CCSER2: variants seen among roughly 807,000 people sequenced by gnomAD.
The protein encoded by CCSER2 is coiled-coil serine rich protein 2.
In CCSER2, 46 loss-of-function variants were observed where a neutral mutation model predicts 92.3. The ratio of observed to expected loss-of-function variants is 0.50; its 90% CI spans 0.39 to 0.64. The LOEUF is 0.64. Ranked by LOEUF, CCSER2 falls within the 30% of genes least tolerant of loss-of-function variation. The probability of loss-of-function intolerance (pLI) is 0.00; values close to 1 mark genes in which losing one functional copy is unlikely to be tolerated. For missense variants in CCSER2, 1,244 were observed against 1,238.9 expected, an observed-to-expected ratio of 1.00 and a Z score of -0.06; for synonymous variants, 433 against 431.4, an observed-to-expected ratio of 1.00 and a Z score of -0.04.
rs552661063 is a variant in CCSER2 at position 84,387,055 on chromosome 10, T to A, written c.1614+13240T>A. ...ACCATTATGCAACATGTTCATGGAG[T>A]AAACTTACACATCATGAATCTAAAA... On this transcript the variant is annotated intron_variant, in intron 3 of 9. Coordinates refer to ENST00000372088, the MANE Select transcript of CCSER2 (RefSeq NM_001284240.2). Among the ~76,000 whole-genome samples, 18 of 152,194 alleles carry A rather than the reference T, an allele frequency of 1.2e-4. No homozygotes were observed. In the East Asian group the frequency reaches 3.3e-3, roughly 28 times the overall value.
At chr10:84,477,154 A>G (rs572101299) in intron 8 of CCSER2, among the ~76,000 whole-genome samples, 2 of 152,220 alleles carry the variant, frequency 1.3e-5, no homozygotes, top group Non-Finnish European at 2.9e-5. Context: ...ACATCCATAT[A>G]CTTAACTCTT....
At chr10:84,430,736 C>T (rs2133459920) in intron 5 of CCSER2, among the ~76,000 whole-genome samples, 1 of 152,306 alleles carries the variant, frequency 6.6e-6, no homozygotes, top group African/African-American at 2.4e-5. Context: ...TAAAATGCCA[C>T]AGAGCTTGCT....
At position 84,347,687 on chromosome 10, in the gene CCSER2, C is replaced by G. The variant is rs914764785; in HGVS notation, c.-40+18879C>G. Among the ~76,000 whole-genome samples the G allele has an allele frequency of 3.1e-4, 47 of 151,166 alleles. No individual in the cohort carries two copies. In the East Asian group the frequency reaches 8.7e-3, roughly 28 times the overall value. On this transcript the variant is annotated intron_variant, in intron 1 of 9. Coordinates refer to ENST00000372088, the MANE Select transcript of CCSER2 (RefSeq NM_001284240.2). The stretch of plus-strand genomic sequence containing the variant: ...GGGCGGCTGCCGGGCGGAGGGGCTC[C>G]TCACTTCTCAGACGGGGCGGCTGCT...
intron 6 of CCSER2, among the ~76,000 whole-genome samples, chr10:84,444,038 G>A (rs891839080): frequency 1.3e-5 from 2 of 152,044 alleles, no homozygotes; most frequent in Non-Finnish European, 2.9e-5. Flanking sequence ...AATACCTAAC[G>A]TAGATGACAG....
intron 6 of CCSER2, among the ~76,000 whole-genome samples, chr10:84,457,255 A>G (rs1845698772): frequency 2.5e-5 from 1 of 40,728 alleles, no homozygotes; most frequent in Non-Finnish European, 4.4e-5. Flanking sequence ...TATATATTAT[A>G]TAAAATATAT....
chr10:84,499,375 C>T (rs1010929122), intron 9 of CCSER2, among the ~76,000 whole-genome samples: 2 of 152,146 alleles, frequency 1.3e-5, no homozygotes, highest in Non-Finnish European at 2.9e-5. Flanking sequence ...ACCTCGTGAT[C>T]CACCCGCCTC....
intron 3 of CCSER2, among the ~76,000 whole-genome samples, chr10:84,381,297 G>C (rs1431320457): frequency 6.6e-6 from 1 of 152,152 alleles, no homozygotes; most frequent in Admixed American, 6.5e-5. Context: ...GTTGGTATTA[G>C]GCACAATAAT....
chr10:84,372,356 C>G lies in CCSER2; in HGVS notation c.1304C>G (p.Ser435Cys). 6.2e-7 allele frequency: 1 copy of G among 1,611,376 alleles called. No homozygotes were observed. Among genetic ancestry groups the G allele is most frequent in the Admixed American group, 1.7e-5 (1 of 59,808 alleles). Residue 435 changes from serine (S) to cysteine (C), a missense_variant, in exon 2 of 10, where the codon TCT becomes TGT. Physicochemically the swap from Ser to Cys is moderately radical, Grantham distance 112. Coordinates refer to ENST00000372088, the MANE Select transcript of CCSER2 (RefSeq NM_001284240.2). ...NRTRITPEEM[S>C]LKEEKHENGP... ...ACTAGAATAACTCCAGAGGAAATGT[C>G]TCTCAAAGAAGAGAAACATGAAAAT...
chr10:84,348,514 A>AAGGGCG (rs1039516107), intron 1 of CCSER2, among the ~76,000 whole-genome samples: 98 of 151,738 alleles, frequency 6.5e-4, no homozygotes, highest in Middle Eastern at 3.5e-3. Flanking sequence ...GGGAGAGGGC[A>AAGGGCG]AGGGCGAGGG....
At chr10:84,440,011 C>T (rs1207234545) in intron 6 of CCSER2, among the ~76,000 whole-genome samples, 1 of 151,972 alleles carries the variant, frequency 6.6e-6, no homozygotes, top group Admixed American at 6.5e-5. Context: ...TACCACGTAC[C>T]ATCTTTTGTG....
chr10:84,471,087 A>C (rs1056807826), intron 8 of CCSER2, among the ~76,000 whole-genome samples: 1 of 152,144 alleles, frequency 6.6e-6, no homozygotes, highest in South Asian at 2.1e-4. Context: ...TCAAAAGGAA[A>C]TCTTTGTTGT....
At chr10:84,457,217 A>ATAAAAGAAGTGGTGTGATCTAGGCT (rs1845681383) in intron 6 of CCSER2, among the ~76,000 whole-genome samples, 1 of 110,944 alleles carries the variant, frequency 9.0e-6, no homozygotes, top group East Asian at 2.2e-4. Flanking sequence ...TATATATATT[A>ATAAAAGAAGTGGTGTGATCTAGGCT]CATATTATAT....
intron 1 of CCSER2, among the ~76,000 whole-genome samples, chr10:84,347,836 G>A (rs1339394900): frequency 2.0e-5 from 3 of 150,996 alleles, no homozygotes; most frequent in Non-Finnish European, 4.4e-5. Context: ...GGGCAGAGGC[G>A]CTCCTCACAT....
chr10:84,342,594 A>G (rs976431226), intron 1 of CCSER2, among the ~76,000 whole-genome samples: 1 of 152,164 alleles, frequency 6.6e-6, no homozygotes, highest in Non-Finnish European at 1.5e-5. Flanking sequence ...CTAGAATTCA[A>G]AGCCCTTGAC....
chr10:84,503,923 A>G (rs1848905172), intron 9 of CCSER2, among the ~76,000 whole-genome samples: 2 of 152,162 alleles, frequency 1.3e-5, no homozygotes, highest in African/African-American at 2.4e-5. Flanking sequence ...TTCTCTTACA[A>G]ATTTCAGGGG....
chr10:84,490,628 G>A (rs1589802743), intron 9 of CCSER2, among the ~76,000 whole-genome samples: 1 of 152,304 alleles, frequency 6.6e-6, no homozygotes, highest in Non-Finnish European at 1.5e-5. Flanking sequence ...GGTTCTTCTA[G>A]TTAGCCATTC....
At chr10:84,361,625 G>A (rs1845505984) in intron 1 of CCSER2, among the ~76,000 whole-genome samples, 1 of 151,854 alleles carries the variant, frequency 6.6e-6, no homozygotes, top group Admixed American at 6.6e-5. Flanking sequence ...CTATTATGTA[G>A]AAACTACCAC....
At chr10:84,391,671 C>T in intron 3 of CCSER2, 1 of 1,533,382 alleles carries the variant, frequency 6.5e-7, no homozygotes. Context: ...ACACCAAAGA[C>T]ATTGTTAGAG....
At chr10:84,501,818 T>C (rs1302760526) in intron 9 of CCSER2, among the ~76,000 whole-genome samples, 3 of 85,140 alleles carry the variant, frequency 3.5e-5, no homozygotes, top group Non-Finnish European at 2.4e-5. Flanking sequence ...ATTAGTCATC[T>C]AGGGAAAAAA....
Sources: allele counts gnomAD v4.1 joint callset (sites outside exome capture counted in the v4.1 genomes callset), GRCh38; gene constraint gnomAD v4.1.1; transcripts MANE v1.5; gene names NCBI Gene and HGNC (gene_info 2026-07-23, HGNC 2026-07-21).